The following ANKS1A variants were observed in gnomAD, a reference collection of about 807,000 sequenced individuals.
The protein encoded by ANKS1A is ankyrin repeat and SAM domain-containing protein 1A.
A neutral mutation model predicts 120.3 loss-of-function variants in ANKS1A; 55 were observed. The observed-to-expected ratio is 0.46, with a 90% CI of 0.37 to 0.57. The LOEUF (loss-of-function observed/expected upper bound fraction) is 0.57, where lower values mean the gene tolerates loss of function less well. Ranked by LOEUF, ANKS1A falls within the 20% of genes least tolerant of loss-of-function variation. ANKS1A has a pLI of 0.00. For missense variants in ANKS1A, 1,123 were observed against 1,480.3 expected (o/e 0.76, Z 3.96); for synonymous variants, 590 against 604.7 (o/e 0.98, Z 0.36).
chr6:35,023,187 T>C (rs1020066988), intron 11 of ANKS1A, among the ~76,000 whole-genome samples: 1 of 152,190 alleles, frequency 6.6e-6, no homozygotes, highest in Admixed American at 6.5e-5. Context: ...TTGACCCTTC[T>C]GACCTAAGGC....
chr6:34,921,892 C>T (rs911626794), intron 1 of ANKS1A, among the ~76,000 whole-genome samples: 6 of 152,116 alleles, frequency 3.9e-5, no homozygotes, highest in Non-Finnish European at 5.9e-5. Flanking sequence ...AGACAGGTCT[C>T]GCTATGTTGC....
intron 10 of ANKS1A, among the ~76,000 whole-genome samples, chr6:35,011,235 A>G (rs1048435310): frequency 2.0e-5 from 3 of 152,216 alleles, no homozygotes; most frequent in Non-Finnish European, 2.9e-5. Flanking sequence ...TTTCTTGAGT[A>G]TTTAAAAGGG....
At chr6:35,049,403 G>A (rs540871862) in intron 11 of ANKS1A, among the ~76,000 whole-genome samples, 1 of 152,326 alleles carries the variant, frequency 6.6e-6, no homozygotes, top group South Asian at 2.1e-4. Context: ...GTGGCGCAGG[G>A]TCCTTACCCT....
chr6:34,982,052 A>G lies in ANKS1A; in HGVS notation c.732+66A>G, dbSNP rs1771932909. On this transcript the variant is annotated intron_variant, in intron 4 of 23. Coordinates refer to ENST00000360359, the MANE Select transcript of ANKS1A (RefSeq NM_015245.3). This position sits in a 1 kb window ranked among gnomAD's most constrained non-coding sequence, Gnocchi z 4.9. ...CAGTCATTTTGCAGAAGGCACAAGG[A>G]CCATGCTGCTGGGCTGTGCTCTTTA... 2 of 1,569,918 alleles carry G rather than the reference A, an allele frequency of 1.3e-6. No homozygotes were observed. Among genetic ancestry groups the G allele is most frequent in the Admixed American group, 1.7e-5 (1 of 57,166 alleles).
chr6:34,904,759 TC>T (rs1767557873), intron 1 of ANKS1A, among the ~76,000 whole-genome samples: 1 of 152,178 alleles, frequency 6.6e-6, no homozygotes, highest in Non-Finnish European at 1.5e-5. Context: ...GTTTTGCACT[TC>T]CTGTTGCTCA....
intron 13 of ANKS1A, among the ~76,000 whole-genome samples, chr6:35,062,159 C>G (rs937699812): frequency 2.6e-5 from 4 of 152,230 alleles, no homozygotes; most frequent in African/African-American, 9.6e-5. Context: ...TGTTCCTATG[C>G]TAGAAGGACC....
rs1188243343 is a variant in ANKS1A at position 35,057,713 on chromosome 6, GAAGTCCGTCCCC to G, written c.2078-2431_2078-2420del. On this transcript the variant is annotated intron_variant, in intron 12 of 23. Transcript: ENST00000360359. The surrounding 1 kb of genome is among the most constrained non-coding windows in gnomAD (Gnocchi z 4.1). ...CCCTGGGCTCTAACAGGCCCCAAGA[GAAGTCCGTCCCC>G]AATTTGTTTGGTATACTCACCTAAG... Among the ~76,000 whole-genome samples, 6 of 152,244 alleles carry G rather than the reference GAAGTCCGTCCCC, an allele frequency of 3.9e-5. No individual in the cohort carries two copies. Among genetic ancestry groups the G allele is most frequent in the Admixed American group, 1.3e-4 (2 of 15,286 alleles).
Position 35,084,276 on chromosome 6 carries a change from G to A in ANKS1A, c.3132+18G>A. 4 of 1,612,372 alleles carry A rather than the reference G, an allele frequency of 2.5e-6. No individual in the cohort carries two copies. Among genetic ancestry groups the A allele is most frequent in the Non-Finnish European group, 3.4e-6 (4 of 1,179,386 alleles). The stretch of plus-strand genomic sequence containing the variant: ...TGGATGTGGTGGGTGGGGTCCTGGG[G>A]CCGGGTGGGGCAGGCTTGGGTTGCA... On this transcript the variant is annotated intron_variant, in intron 21 of 23. Coordinates refer to ENST00000360359, the MANE Select transcript of ANKS1A (RefSeq NM_015245.3). This position sits in a 1 kb window ranked among gnomAD's most constrained non-coding sequence, Gnocchi z 4.8.
At chr6:34,980,245 A>G (rs1241865239) in intron 3 of ANKS1A, among the ~76,000 whole-genome samples, 1 of 152,190 alleles carries the variant, frequency 6.6e-6, no homozygotes, top group African/African-American at 2.4e-5. Flanking sequence ...GCTCTCCTTG[A>G]GTTGTGTTTG....
intron 13 of ANKS1A, among the ~76,000 whole-genome samples, chr6:35,075,797 T>C (rs1777323539): frequency 6.6e-6 from 1 of 152,192 alleles, no homozygotes; most frequent in African/African-American, 2.4e-5. Context: ...TTGTTTTTGT[T>C]TGGAAACAGG....
Position 35,089,686 on chromosome 6 carries a change from G to A in ANKS1A, c.*1077G>A. ...GCTCCCCCGCGTGGCCTTTGGGGCA[G>A]GCTGGCATCCCGGTGCGCCTCTGCT... On this transcript the variant is annotated 3_prime_UTR_variant, in exon 24 of 24. Coordinates refer to ENST00000360359, the MANE Select transcript of ANKS1A (RefSeq NM_015245.3). 1.0e-6 allele frequency: 1 copy of A among 992,592 alleles called. No individual in the cohort carries two copies. The highest frequency in any genetic ancestry group is 1.2e-6 in the Non-Finnish European group (1 of 834,294). The allele number at this position is 992,592 out of a possible 1,614,324, so 61.5% of individuals were successfully genotyped here.
intron 9 of ANKS1A, among the ~76,000 whole-genome samples, 190 bp downstream of exon 9, chr6:34,989,506 C>T (rs1444658244): frequency 1.3e-5 from 2 of 152,220 alleles, no homozygotes; most frequent in African/African-American, 4.8e-5. Flanking sequence ...ATAGCTCTCG[C>T]AGACAGGCCC....
At chr6:34,936,241 A>G (rs1230552801) in intron 1 of ANKS1A, among the ~76,000 whole-genome samples, 3 of 152,128 alleles carry the variant, frequency 2.0e-5, no homozygotes, top group Non-Finnish European at 4.4e-5. Context: ...CCTTCAATGG[A>G]GAAATTCAGG....
chr6:35,048,861 G>A (rs550638201), intron 11 of ANKS1A, among the ~76,000 whole-genome samples: 17 of 152,308 alleles, frequency 1.1e-4, no homozygotes, highest in Middle Eastern at 6.8e-3. Flanking sequence ...CGGCTCAGTC[G>A]CTCAGCCCCC....
chr6:34,940,827 G>A lies in ANKS1A; in HGVS notation c.198-26412G>A, dbSNP rs558273733. On this transcript the variant is annotated intron_variant, in intron 1 of 23. Coordinates refer to ENST00000360359, the MANE Select transcript of ANKS1A (RefSeq NM_015245.3). ...GGAGGCTGAGGCGGGAGAATCGCTT[G>A]AACTCAGCAGGCGGAGGTTGCAGTG... Among the ~76,000 whole-genome samples the A allele has an allele frequency of 2.6e-4, 40 of 151,362 alleles. No individual in the cohort carries two copies. The South Asian group carries it at 5.2e-3, about 20-fold the overall frequency.
At chr6:34,917,001 A>AT (rs2127462070) in intron 1 of ANKS1A, among the ~76,000 whole-genome samples, 1 of 152,316 alleles carries the variant, frequency 6.6e-6, no homozygotes, top group East Asian at 1.9e-4. Flanking sequence ...ATAGAGTAGA[A>AT]TGGCTGATAT....
rs1777744035 is a variant in ANKS1A, at chr6:35,082,591, G to A, written c.2710-100G>A. The A allele has an allele frequency of 2.0e-5, 29 of 1,451,392 alleles. No individual in the cohort carries two copies. The highest frequency in any genetic ancestry group is 4.2e-5 in the South Asian group (3 of 71,778). The allele number at this position is 1,451,392 out of a possible 1,614,324, so 89.9% of individuals were successfully genotyped here. On this transcript the variant is annotated intron_variant, in intron 17 of 23. Transcript: ENST00000360359. This position sits in a 1 kb window ranked among gnomAD's most constrained non-coding sequence, Gnocchi z 4.1. ...CCACTCGACCCTTGAACTTGCTAAG[G>A]TCACTGGCATCTTCACCCTTGAGTG...
chr6:34,935,919 G>A lies in ANKS1A; in HGVS notation c.198-31320G>A, dbSNP rs1005673281. ...CTACTAAAAATACAAAAAATTAGCCGGGCGTAGTGGCGGGCGCCTGTAGTC... is the reference window on the plus strand; with the variant it reads ...CTACTAAAAATACAAAAAATTAGCCAGGCGTAGTGGCGGGCGCCTGTAGTC... On this transcript the variant is annotated intron_variant, in intron 1 of 23. Coordinates refer to ENST00000360359, the MANE Select transcript of ANKS1A (RefSeq NM_015245.3). Among the ~76,000 whole-genome samples the A allele has an allele frequency of 1.3e-4, 20 of 148,862 alleles. No homozygotes were observed. In the East Asian group the frequency reaches 3.7e-3, roughly 28 times the overall value.
chr6:35,082,192 C>T lies in ANKS1A; in HGVS notation c.2710-499C>T, dbSNP rs974830644. ...CCTGGACCGCAGTGGCCTCCCCCAC[C>T]CCCTAGCTGCTGCCAGAAGGATCCA... is the stretch of plus-strand genomic sequence containing the variant. On this transcript the variant is annotated intron_variant, in intron 17 of 23. Coordinates refer to ENST00000360359, the MANE Select transcript of ANKS1A (RefSeq NM_015245.3). This position sits in a 1 kb window ranked among gnomAD's most constrained non-coding sequence, Gnocchi z 4.1. Among the ~76,000 whole-genome samples the T allele has an allele frequency of 1.3e-5, 2 of 152,102 alleles. No individual in the cohort carries two copies. The highest frequency in any genetic ancestry group is 2.9e-5 in the Non-Finnish European group (2 of 68,008).
Sources: gnomAD v4.1 joint callset for allele counts (sites outside exome capture counted in the v4.1 genomes callset) on GRCh38, gnomAD v4.1.1 for gene constraint, Gnocchi (gnomAD v3.1) non-coding constraint, MANE v1.5 for transcripts, NCBI Gene and HGNC (gene_info 2026-07-23, HGNC 2026-07-21) for gene names.